Variants in LIMCH1 observed in about 807,000 individuals in gnomAD.
LIMCH1 encodes LIM and calponin homology domains 1.
In LIMCH1, 113 loss-of-function variants were observed where a neutral mutation model predicts 176.5. The ratio of observed to expected loss-of-function variants is 0.64; its 90% CI spans 0.55 to 0.75. The LOEUF (loss-of-function observed/expected upper bound fraction) is 0.75, where lower values mean the gene tolerates loss of function less well. Among genes scored for constraint, LIMCH1 ranks in the 30% least tolerant of loss-of-function variants. The pLI is 0.00. For missense variants in LIMCH1, 1,674 were observed against 1,814.9 expected (o/e 0.92, Z 1.41); for synonymous variants, 619 against 645.9 (o/e 0.96, Z 0.63).
chr4:41,440,863 C>T (rs1049110572), intron 1 of LIMCH1, among the ~76,000 whole-genome samples: 1 of 152,076 alleles, frequency 6.6e-6, no homozygotes, highest in African/African-American at 2.4e-5. Flanking sequence ...TATAGCAGAC[C>T]TATTTCTATG....
At chr4:41,502,145 A>C (rs1229282722) in intron 2 of LIMCH1, among the ~76,000 whole-genome samples, 1 of 144,362 alleles carries the variant, frequency 6.9e-6, no homozygotes. Flanking sequence ...CCCCCTTATA[A>C]GTGAGAAGAT....
chr4:41,541,256 A>G (rs971246847), intron 1 of LIMCH1, among the ~76,000 whole-genome samples: 2 of 152,228 alleles, frequency 1.3e-5, no homozygotes, highest in African/African-American at 4.8e-5. Flanking sequence ...GCCATAGCTT[A>G]TTAGACCCTT....
At chr4:41,361,858 C>T (rs2052132413) in intron 1 of LIMCH1, among the ~76,000 whole-genome samples, 1 of 152,156 alleles carries the variant, frequency 6.6e-6, no homozygotes, top group Non-Finnish European at 1.5e-5. Flanking sequence ...GGAGCCTCAG[C>T]TTCAATGGGT....
chr4:41,694,299 A>T (rs1728710240), intron 31 of LIMCH1, among the ~76,000 whole-genome samples: 1 of 152,210 alleles, frequency 6.6e-6, no homozygotes, highest in Non-Finnish European at 1.5e-5. Context: ...TCAGAAAGAC[A>T]CCACATTAAA....
intron 1 of LIMCH1, among the ~76,000 whole-genome samples, chr4:41,483,637 C>G (rs1235856132): frequency 3.3e-5 from 5 of 152,196 alleles, no homozygotes; most frequent in Non-Finnish European, 7.4e-5. Flanking sequence ...TACCACCCTT[C>G]TCATCCCCAC....
At chr4:41,401,861 G>C (rs1007939678) in intron 1 of LIMCH1, among the ~76,000 whole-genome samples, 21 of 152,172 alleles carry the variant, frequency 1.4e-4, no homozygotes, top group African/African-American at 4.6e-4. Flanking sequence ...AAGAATGCTT[G>C]TGATTTTTGC....
chr4:41,412,420 T>G (rs2059577673), intron 1 of LIMCH1, among the ~76,000 whole-genome samples: 1 of 152,168 alleles, frequency 6.6e-6, no homozygotes, highest in South Asian at 2.1e-4. Flanking sequence ...AAGACTTAGA[T>G]AATCCCAGTA....
intron 1 of LIMCH1, among the ~76,000 whole-genome samples, chr4:41,583,940 G>A (rs1227400178): frequency 6.6e-6 from 1 of 151,666 alleles, no homozygotes; most frequent in African/African-American, 2.4e-5. Flanking sequence ...TTTTTATTTT[G>A]TGGTGTTTCC....
intron 20 of LIMCH1, 58 bp from the exon 21 acceptor site, chr4:41,666,503 C>T (rs1469744027): frequency 9.7e-7 from 1 of 1,031,486 alleles, no homozygotes; most frequent in Non-Finnish European, 1.5e-6. Context: ...TGTGTGTCAC[C>T]TGTGCATTTA....
intron 14 of LIMCH1, 28 bp from the exon 15 acceptor site, chr4:41,644,472 C>A: frequency 6.7e-7 from 1 of 1,496,052 alleles, no homozygotes; most frequent in Non-Finnish European, 9.0e-7. Flanking sequence ...ATCGCGGTCC[C>A]TCTTGTGTTC....
chr4:41,650,839 A>G (rs1183054085), intron 18 of LIMCH1, among the ~76,000 whole-genome samples: 1 of 151,960 alleles, frequency 6.6e-6, no homozygotes, highest in African/African-American at 2.4e-5. Flanking sequence ...GGCTCCCTCC[A>G]TTGGTCATGA....
chr4:41,671,058 T>TAAAAA, intron 21 of LIMCH1: 35 of 611,308 alleles, frequency 5.7e-5, no homozygotes, highest in Non-Finnish European at 6.7e-5. Context: ...CCCCTGCCTT[T>TAAAAA]AAAAAAAAAA....
At chr4:41,405,762 G>A (rs774864638) in intron 1 of LIMCH1, among the ~76,000 whole-genome samples, 1 of 151,926 alleles carries the variant, frequency 6.6e-6, no homozygotes. Flanking sequence ...CCTAAAATAT[G>A]TGCATGTATT....
intron 1 of LIMCH1, among the ~76,000 whole-genome samples, chr4:41,447,074 T>C (rs998621495): frequency 9.2e-5 from 14 of 151,904 alleles, no homozygotes; most frequent in South Asian, 2.1e-4. Flanking sequence ...ACTAAAAATA[T>C]AAAAAATTAG....
In LIMCH1 at chr4:41,360,815, G is replaced by T. The variant is rs1282348337; in HGVS notation, c.-26G>T. ...CGGCGGCGGCCGTCCTCATCCCGGC[G>T]CTTGAGAGGACGCGGGGCTGCGCAA... On this transcript the variant is annotated 5_prime_UTR_variant, in exon 1 of 27. Coordinates refer to the LIMCH1 transcript ENST00000313860. The surrounding 1 kb of genome is among the most constrained non-coding windows in gnomAD (Gnocchi z 4.5). The T allele has an allele frequency of 1.3e-6, 2 of 1,511,714 alleles. No individual in the cohort carries two copies. Among genetic ancestry groups the T allele is most frequent in the Non-Finnish European group, 1.8e-6 (2 of 1,128,076 alleles). The allele number at this position is 1,511,714 out of a possible 1,614,324, so 93.6% of individuals were successfully genotyped here.
chr4:41,524,619 G>C (rs1278826390), intron 3 of LIMCH1: 1 of 672,766 alleles, frequency 1.5e-6, no homozygotes, highest in Non-Finnish European at 2.7e-6. Flanking sequence ...TAAACGAAGA[G>C]GTCACTTAAA....
Position 41,567,898 on chromosome 4 carries a change from T to C in LIMCH1, c.-241+29548T>C, listed in dbSNP as rs1268576204. On this transcript the variant is annotated intron_variant, in intron 1 of 31. Coordinates refer to ENST00000503057, the MANE Select transcript of LIMCH1 (RefSeq NM_001330672.2). ...GGCCGGGCGTGGTGGCTCATGCCTGTAATCCCAGCACTCTGGGATGCCAAG... is the reference window on the plus strand; with the variant it reads ...GGCCGGGCGTGGTGGCTCATGCCTGCAATCCCAGCACTCTGGGATGCCAAG... Among the ~76,000 whole-genome samples the C allele has an allele frequency of 2.0e-5, 3 of 152,312 alleles. No homozygotes were observed. In the East Asian group the frequency reaches 5.8e-4, roughly 29 times the overall value.
intron 1 of LIMCH1, among the ~76,000 whole-genome samples, chr4:41,466,021 C>T (rs1438518975): frequency 7.4e-5 from 11 of 148,472 alleles, no homozygotes; most frequent in Admixed American, 6.1e-4. Context: ...TGCAGTGGCA[C>T]GATCTGGGCT....
chr4:41,395,849 A>G (rs2057751766), intron 1 of LIMCH1, among the ~76,000 whole-genome samples: 1 of 152,230 alleles, frequency 6.6e-6, no homozygotes, highest in African/African-American at 2.4e-5. Context: ...AAAAGAGGCA[A>G]GAATGTATGT....
Sources: allele counts gnomAD v4.1 joint callset (sites outside exome capture counted in the v4.1 genomes callset), GRCh38; gene constraint gnomAD v4.1.1; non-coding constraint Gnocchi (gnomAD v3.1); transcripts MANE v1.5; gene names NCBI Gene and HGNC (gene_info 2026-07-23, HGNC 2026-07-21).